The following NELL1 variants were observed in gnomAD, a reference collection of about 807,000 sequenced individuals.
NELL1 encodes neural EGFL like 1.
NELL1 carries 76 observed loss-of-function variants against 107.4 expected under a neutral mutation model. The ratio of observed to expected loss-of-function variants is 0.71; its 90% confidence interval spans 0.59 to 0.86. The LOEUF is 0.86. Ranked by LOEUF, NELL1 falls within the 40% of genes least tolerant of loss-of-function variation. The probability of loss-of-function intolerance (pLI) is 0.00; values close to 1 mark genes in which losing one functional copy is unlikely to be tolerated. For synonymous variants in NELL1, 353 were observed against 341.2 expected, an observed-to-expected ratio of 1.03 and a Z score of -0.38; for missense variants, 1,024 against 1,005.5, an observed-to-expected ratio of 1.02 and a Z score of -0.25.
chr11:21,342,051 T>C (rs1478845318), intron 14 of NELL1, among the ~76,000 whole-genome samples: 1 of 152,214 alleles, frequency 6.6e-6, no homozygotes, highest in African/African-American at 2.4e-5. Context: ...AGCAATACCA[T>C]GGACTGTAAC....
Position 20,919,331 on chromosome 11 carries a change from A to G in NELL1, c.756A>G (p.Ala252=). 1 of 1,565,530 alleles carries G rather than the reference A, an allele frequency of 6.4e-7. No individual in the cohort carries two copies. Among genetic ancestry groups the G allele is most frequent in the Non-Finnish European group, 8.8e-7 (1 of 1,140,586 alleles). ...AAGAGCTTTTGGCCAAGATGACTGC[A>G]AAAGTAGGTATCTAAATTTCATTTG... ...DLQELLAKMT[A]KLNYAETRLS... Residue 252 remains alanine (A), a synonymous_variant, in exon 7 of 20, where the codon GCA becomes GCG. Coordinates refer to ENST00000357134, the MANE Select transcript of NELL1 (RefSeq NM_006157.5).
intron 14 of NELL1, among the ~76,000 whole-genome samples, chr11:21,271,512 C>G (rs1351427300): frequency 6.6e-6 from 1 of 152,124 alleles, no homozygotes; most frequent in Non-Finnish European, 1.5e-5. Context: ...AAGCACCAGG[C>G]CCAGATGGGT....
chr11:21,411,197 A>G (rs1262494731), intron 15 of NELL1, among the ~76,000 whole-genome samples: 1 of 152,106 alleles, frequency 6.6e-6, no homozygotes, highest in Non-Finnish European at 1.5e-5. Context: ...AAAGTTCTCT[A>G]GTGTAATGTC....
intron 14 of NELL1, among the ~76,000 whole-genome samples, chr11:21,336,126 T>C (rs1850389199): frequency 6.6e-6 from 1 of 152,094 alleles, no homozygotes; most frequent in Non-Finnish European, 1.5e-5. Flanking sequence ...TCAGTGTTTT[T>C]TTCGTAAACT....
chr11:21,540,436 A>G (rs1856262913), intron 16 of NELL1, among the ~76,000 whole-genome samples: 1 of 152,084 alleles, frequency 6.6e-6, no homozygotes, highest in African/African-American at 2.4e-5. Flanking sequence ...AGAACATGAA[A>G]TATTTACCTT....
chr11:20,861,344 T>C (rs1300632373), intron 4 of NELL1, among the ~76,000 whole-genome samples: 2 of 152,218 alleles, frequency 1.3e-5, no homozygotes, highest in African/African-American at 4.8e-5. Flanking sequence ...TCACTATTGA[T>C]CTGCAGCGGG....
intron 12 of NELL1, among the ~76,000 whole-genome samples, chr11:21,049,681 CTT>C (rs60727957): frequency 2.0e-5 from 3 of 148,588 alleles, no homozygotes; most frequent in Non-Finnish European, 1.5e-5. Flanking sequence ...GACTCAATAA[CTT>C]TTTTTTTTTT....
chr11:21,544,508 A>G (rs1402077617), intron 16 of NELL1, among the ~76,000 whole-genome samples: 3 of 151,988 alleles, frequency 2.0e-5, no homozygotes, highest in African/African-American at 7.2e-5. Flanking sequence ...GACCTGAAGG[A>G]TGGAAGGGTT....
intron 1 of NELL1, among the ~76,000 whole-genome samples, chr11:20,677,729 G>A (rs1854093970): frequency 1.3e-5 from 2 of 152,124 alleles, no homozygotes; most frequent in Admixed American, 1.3e-4. Context: ...TTGGGGGTGG[G>A]GTTGGGGGAA....
chr11:21,403,758 A>G (rs1330108773), intron 15 of NELL1, among the ~76,000 whole-genome samples: 2 of 151,708 alleles, frequency 1.3e-5, no homozygotes, highest in Non-Finnish European at 2.9e-5. Flanking sequence ...AAAAGGAAGA[A>G]TGGATGTTGG....
intron 14 of NELL1, among the ~76,000 whole-genome samples, chr11:21,359,529 G>A (rs899181309): frequency 6.6e-6 from 1 of 152,098 alleles, no homozygotes; most frequent in African/African-American, 2.4e-5. Flanking sequence ...AAATAATTTA[G>A]GGAGGATTCC....
rs537499582 is a variant in NELL1, at chr11:21,079,398, C to G, written c.1301-34191C>G. 3.9e-5 allele frequency among the ~76,000 whole-genome samples: 6 copies of G among 151,962 alleles called. 1 individual carries two copies. In the South Asian group the frequency reaches 1.2e-3, roughly 32 times the overall value. On this transcript the variant is annotated intron_variant, in intron 12 of 19. Transcript: ENST00000357134. Reference sequence around the variant, plus strand: ...TAAATAATTCATAAAGGTGAATTACCACATATATCTCAAAATTTGTACCCT... The same window carrying G: ...TAAATAATTCATAAAGGTGAATTACGACATATATCTCAAAATTTGTACCCT...
chr11:20,694,776 C>A (rs932174711), intron 2 of NELL1, among the ~76,000 whole-genome samples: 1 of 151,336 alleles, frequency 6.6e-6, no homozygotes, highest in East Asian at 1.9e-4. Flanking sequence ...TATGTCAGCT[C>A]TTTTTTGGAT....
At chr11:21,267,459 A>G (rs1342741450) in intron 14 of NELL1, among the ~76,000 whole-genome samples, 1 of 152,136 alleles carries the variant, frequency 6.6e-6, no homozygotes, top group Non-Finnish European at 1.5e-5. Flanking sequence ...ATGTTTTAAG[A>G]TAATTAAATA....
At chr11:21,319,805 A>G (rs1156407121) in intron 14 of NELL1, among the ~76,000 whole-genome samples, 1 of 151,918 alleles carries the variant, frequency 6.6e-6, no homozygotes, top group African/African-American at 2.4e-5. Context: ...TTTACTGAAC[A>G]GAATTGATAT....
chr11:20,796,504 T>C (rs1021193132), intron 3 of NELL1, among the ~76,000 whole-genome samples: 1 of 151,930 alleles, frequency 6.6e-6, no homozygotes. Flanking sequence ...ATTATTAAAT[T>C]ACTTTCATTT....
At chr11:20,902,607 T>C (rs1849901723) in intron 5 of NELL1, among the ~76,000 whole-genome samples, 1 of 152,056 alleles carries the variant, frequency 6.6e-6, no homozygotes, top group African/African-American at 2.4e-5. Context: ...AGCCCAACTC[T>C]TTGGTATAAA....
intron 12 of NELL1, among the ~76,000 whole-genome samples, chr11:21,047,892 C>T (rs1404534947): frequency 6.6e-6 from 1 of 152,174 alleles, no homozygotes. Flanking sequence ...ATCTCTAATT[C>T]TTCAGAGAAG....
chr11:21,221,059 T>A (rs2133872514), intron 13 of NELL1, among the ~76,000 whole-genome samples: 1 of 152,328 alleles, frequency 6.6e-6, no homozygotes, highest in African/African-American at 2.4e-5. Context: ...GCCTAATTCA[T>A]TGAGAGTTTT....
Sources: gnomAD v4.1 joint callset for allele counts (sites outside exome capture counted in the v4.1 genomes callset) on GRCh38, gnomAD v4.1.1 for gene constraint, MANE v1.5 for transcripts, NCBI Gene and HGNC (gene_info 2026-07-23, HGNC 2026-07-21) for gene names.